TSPAN9: variants seen among roughly 807,000 people sequenced by gnomAD.
The protein encoded by TSPAN9 is tetraspanin 9.
TSPAN9 carries 16 observed loss-of-function variants against 31.0 expected under a neutral mutation model. The ratio of observed to expected loss-of-function variants is 0.52; its 90% confidence interval spans 0.35 to 0.78. The LOEUF is 0.78. TSPAN9 is among the 30% of genes least tolerant of loss of function. TSPAN9 has a pLI of 0.01. For synonymous variants in TSPAN9, 145 were observed against 121.6 expected, an observed-to-expected ratio of 1.19 and a Z score of -1.27; for missense variants, 272 against 312.5, an observed-to-expected ratio of 0.87 and a Z score of 0.98.
At chr12:3,105,713 G>A (rs1402486053) in intron 2 of TSPAN9, among the ~76,000 whole-genome samples, 1 of 151,302 alleles carries the variant, frequency 6.6e-6, no homozygotes, top group Non-Finnish European at 1.5e-5. Flanking sequence ...GGGGCCTAGG[G>A]CCTGCTTTGT....
intron 3 of TSPAN9, among the ~76,000 whole-genome samples, chr12:3,228,347 A>C (rs1341157807): frequency 2.0e-5 from 3 of 152,230 alleles, no homozygotes; most frequent in Non-Finnish European, 4.4e-5. Context: ...CCTGAACAAC[A>C]GAGCCAGACC....
intron 3 of TSPAN9, among the ~76,000 whole-genome samples, chr12:3,258,357 T>C (rs1862387395): frequency 6.6e-6 from 1 of 152,102 alleles, no homozygotes; most frequent in Non-Finnish European, 1.5e-5. Flanking sequence ...GTCCTTTCCA[T>C]CCAGGGATAT....
At chr12:3,094,639 G>A (rs977940531) in intron 2 of TSPAN9, among the ~76,000 whole-genome samples, 3 of 150,790 alleles carry the variant, frequency 2.0e-5, no homozygotes, top group Non-Finnish European at 2.9e-5. Flanking sequence ...GGGTTCAAGC[G>A]ATTCTCCTGC....
At chr12:3,221,081 G>A (rs918697486) in intron 3 of TSPAN9, among the ~76,000 whole-genome samples, 1 of 152,144 alleles carries the variant, frequency 6.6e-6, no homozygotes, top group African/African-American at 2.4e-5. Context: ...GAAGCCACAG[G>A]GACCGGGAGA....
rs12826377 is a variant in TSPAN9 at position 3,218,730 on chromosome 12, C to G, written c.63+17474C>G. Among the ~76,000 whole-genome samples the G allele has an allele frequency of 3.7e-3, 557 of 152,340 alleles. 2 individuals carry two copies. Among genetic ancestry groups the G allele is most frequent in the Middle Eastern group, 0.017 (5 of 294 alleles). ...CGCTTGGCTGGGTGCCTCGGGCCGC[C>G]TCCCTTCCTCTCTGCAGTGATTAAG... On this transcript the variant is annotated intron_variant, in intron 3 of 8. Transcript: ENST00000011898.
intron 3 of TSPAN9, among the ~76,000 whole-genome samples, chr12:3,232,446 A>G (rs1483855827): frequency 6.6e-6 from 1 of 152,176 alleles, no homozygotes; most frequent in Non-Finnish European, 1.5e-5. Flanking sequence ...CTGAGGACCA[A>G]AAGCCCATCC....
chr12:3,244,825 C>T (rs866873331), intron 3 of TSPAN9, among the ~76,000 whole-genome samples: 4 of 152,228 alleles, frequency 2.6e-5, no homozygotes, highest in Admixed American at 6.5e-5. Flanking sequence ...TCGGTGGAGT[C>T]GGGAGCCTCG....
intron 2 of TSPAN9, among the ~76,000 whole-genome samples, chr12:3,163,490 T>C (rs1278258277): frequency 6.6e-6 from 1 of 152,182 alleles, no homozygotes; most frequent in East Asian, 1.9e-4. Context: ...TCCACCCCGC[T>C]ACACCTAGGA....
At chr12:3,173,321 C>G (rs1436569577) in intron 2 of TSPAN9, 1 of 152,522 alleles carries the variant, frequency 6.6e-6, no homozygotes, top group Non-Finnish European at 1.5e-5. Context: ...CACGTCCTTG[C>G]CGTCCGCTGG....
At chr12:3,259,544 G>T (rs111605992) in intron 3 of TSPAN9, among the ~76,000 whole-genome samples, 13 of 152,326 alleles carry the variant, frequency 8.5e-5, no homozygotes, top group Admixed American at 2.6e-4. Flanking sequence ...TAGCAGGGAA[G>T]ACAGACAATG....
At chr12:3,201,037 G>T (rs1156341520) in intron 2 of TSPAN9, 140 bp from the exon 3 acceptor site, 8 of 718,192 alleles carry the variant, frequency 1.1e-5, no homozygotes, top group Non-Finnish European at 1.9e-5. Context: ...GCGGCTTCAC[G>T]GCCGGCGCCT....
intron 2 of TSPAN9, among the ~76,000 whole-genome samples, chr12:3,165,510 GAAGTATTTAAAA>G (rs2098347851): frequency 3.9e-5 from 6 of 152,312 alleles, no homozygotes; most frequent in Non-Finnish European, 8.8e-5. Flanking sequence ...GGGGAGTCCA[GAAGTATTTAAAA>G]TGTTAGTGAG....
intron 2 of TSPAN9, among the ~76,000 whole-genome samples, chr12:3,087,551 T>C (rs2098301178): frequency 6.6e-6 from 1 of 151,974 alleles, no homozygotes; most frequent in Non-Finnish European, 1.5e-5. Flanking sequence ...CTCACACCTG[T>C]AATGCCAGCG....
intron 2 of TSPAN9, among the ~76,000 whole-genome samples, chr12:3,195,542 C>T (rs1016142055): frequency 4.6e-5 from 7 of 152,184 alleles, no homozygotes; most frequent in African/African-American, 1.4e-4. Context: ...TGAGAATGAT[C>T]GGGAGCTGCC....
At chr12:3,132,936 C>T (rs1166110966) in intron 2 of TSPAN9, among the ~76,000 whole-genome samples, 1 of 152,136 alleles carries the variant, frequency 6.6e-6, no homozygotes, top group Non-Finnish European at 1.5e-5. Flanking sequence ...CATTAGGAAG[C>T]GGTCAGGTCC....
At chr12:3,199,176 C>T (rs1295847957) in intron 2 of TSPAN9, among the ~76,000 whole-genome samples, 2 of 152,198 alleles carry the variant, frequency 1.3e-5, no homozygotes, top group Non-Finnish European at 2.9e-5. Context: ...GGACTTTTCA[C>T]ACCCACCGCC....
intron 3 of TSPAN9, among the ~76,000 whole-genome samples, chr12:3,229,746 C>G (rs2098389704): frequency 6.6e-6 from 1 of 152,246 alleles, no homozygotes; most frequent in African/African-American, 2.4e-5. Context: ...GTTCATCGCA[C>G]CTGCCAGGCA....
At chr12:3,117,156 TTCCAGGCTG>T (rs1247617376) in intron 2 of TSPAN9, among the ~76,000 whole-genome samples, 2 of 152,166 alleles carry the variant, frequency 1.3e-5, no homozygotes, top group African/African-American at 4.8e-5. Flanking sequence ...CCCTCCTGTT[TTCCAGGCTG>T]TCTTGGGTGG....
At chr12:3,081,842 G>GTATATATATATATATATATA (rs1226231378) in intron 1 of TSPAN9, among the ~76,000 whole-genome samples, 6 of 56,418 alleles carry the variant, frequency 1.1e-4, no homozygotes, top group Non-Finnish European at 1.5e-4. Flanking sequence ...GTGTCTGTGT[G>GTATATATATATATATATATA]TGTATATATA....
Sources: allele counts gnomAD v4.1 joint callset (sites outside exome capture counted in the v4.1 genomes callset), GRCh38; gene constraint gnomAD v4.1.1; transcripts MANE v1.5; gene names NCBI Gene and HGNC (gene_info 2026-07-23, HGNC 2026-07-21).